RBFOX3: variants seen among roughly 807,000 people sequenced by gnomAD.
The protein encoded by RBFOX3 is RNA binding fox-1 homolog 3, also known as RNA binding protein fox-1 homolog 3.
A neutral mutation model predicts 48.7 loss-of-function variants in RBFOX3; 17 were observed. That is an observed-to-expected ratio of 0.35 (90% CI 0.24 to 0.52). The LOEUF is 0.52. Ranked by LOEUF, RBFOX3 falls within the 20% of genes least tolerant of loss-of-function variation. The pLI, the probability that RBFOX3 is intolerant of heterozygous loss-of-function variation, is 0.94. For synonymous variants in RBFOX3, 212 were observed against 209.5 expected (o/e 1.01, Z -0.10); for missense variants, 382 against 497.5 (o/e 0.77, Z 2.21).
intron 1 of RBFOX3, among the ~76,000 whole-genome samples, chr17:79,510,582 A>C (rs1233357934): frequency 6.6e-6 from 1 of 152,170 alleles, no homozygotes; most frequent in Non-Finnish European, 1.5e-5. Context: ...TAATTACAGC[A>C]AGTGATTAAC....
At chr17:79,641,052 T>C in the RBFOX3 span, among the ~76,000 whole-genome samples, 3 of 152,310 alleles carry the variant, frequency 2.0e-5, no homozygotes, top group Admixed American at 2.0e-4. Context: ...GCAAATCATA[T>C]ATCTAACAAG....
At chr17:79,266,444 G>A (rs115284638) in intron 3 of RBFOX3, among the ~76,000 whole-genome samples, 1,585 of 152,310 alleles carry the variant, frequency 0.01, 27 homozygotes, top group African/African-American at 0.036. Context: ...TTCTTAGGGG[G>A]TATTATTCAG....
chr17:79,501,978 G>A (rs1414591165), intron 1 of RBFOX3, among the ~76,000 whole-genome samples: 2 of 152,190 alleles, frequency 1.3e-5, no homozygotes, highest in Non-Finnish European at 2.9e-5. Context: ...CTGGGGACAC[G>A]CTGGCAGCAC....
chr17:79,334,854 C>T (rs555120079), intron 2 of RBFOX3, among the ~76,000 whole-genome samples: 9 of 152,360 alleles, frequency 5.9e-5, no homozygotes, highest in African/African-American at 1.7e-4. Flanking sequence ...GTGCCTGGCA[C>T]GTAGCAAGTG....
intron 2 of RBFOX3, among the ~76,000 whole-genome samples, chr17:79,366,576 C>T (rs760584002): frequency 1.1e-3 from 162 of 152,314 alleles, no homozygotes; most frequent in Non-Finnish European, 1.6e-3. Flanking sequence ...TGTCTGCCGG[C>T]GAGAGAGCCA....
intron 13 of RBFOX3, 24 bp downstream of exon 13, chr17:79,095,489 A>T: frequency 6.5e-7 from 1 of 1,547,290 alleles, no homozygotes; most frequent in Non-Finnish European, 8.7e-7. Flanking sequence ...CCTGCTCCAG[A>T]ACAGTGCTGG....
At chr17:79,148,654 C>T (rs1225660530) in intron 4 of RBFOX3, among the ~76,000 whole-genome samples, 2 of 152,224 alleles carry the variant, frequency 1.3e-5, no homozygotes, top group Non-Finnish European at 2.9e-5. Flanking sequence ...AAACTAAGAC[C>T]AAGATCTAAT....
intron 2 of RBFOX3, among the ~76,000 whole-genome samples, chr17:79,457,071 T>G (rs1555745403): frequency 6.6e-6 from 1 of 152,182 alleles, no homozygotes; most frequent in Admixed American, 6.5e-5. Flanking sequence ...GTGGCACAGG[T>G]GTAGACAGGC....
intron 2 of RBFOX3, among the ~76,000 whole-genome samples, chr17:79,308,639 C>A (rs1273934214): frequency 6.6e-6 from 1 of 152,062 alleles, no homozygotes; most frequent in Non-Finnish European, 1.5e-5. Flanking sequence ...GAAGGTGGGG[C>A]CTTTGGTGGG....
chr17:79,424,489 C>A (rs1421727374), intron 2 of RBFOX3, among the ~76,000 whole-genome samples: 4 of 152,316 alleles, frequency 2.6e-5, no homozygotes, highest in African/African-American at 9.6e-5. Flanking sequence ...ATGGGCCCTG[C>A]CACCTGCCAG....
chr17:79,555,491 CAGTGGTGGTGGT>C (rs1324434195), intron 1 of RBFOX3, among the ~76,000 whole-genome samples: 1 of 88,254 alleles, frequency 1.1e-5, no homozygotes, highest in Non-Finnish European at 2.2e-5. Flanking sequence ...GTGGTGATGA[CAGTGGTGGTGGT>C]GGTGGTGATG....
intron 1 of RBFOX3, among the ~76,000 whole-genome samples, chr17:79,541,428 G>A (rs1198223660): frequency 6.6e-6 from 1 of 152,206 alleles, no homozygotes; most frequent in African/African-American, 2.4e-5. Context: ...AAAAATAAGA[G>A]AAGCTTACAA....
rs1429686963 is a variant in RBFOX3, at chr17:79,243,321, A to G, written c.-73-7516T>C. Reference sequence around the variant, plus strand: ...GGGGGCAAACCAACGTGGCCCCAGGAGAAAACCCACTGTACTCCTTTTGCT... The same window carrying G: ...GGGGGCAAACCAACGTGGCCCCAGGGGAAAACCCACTGTACTCCTTTTGCT... On this transcript the variant is annotated intron_variant, in intron 3 of 14. Coordinates refer to ENST00000693108, the MANE Select transcript of RBFOX3 (RefSeq NM_001350451.2). The surrounding 1 kb of genome is among the most constrained non-coding windows in gnomAD (Gnocchi z 7.9). Among the ~76,000 whole-genome samples, 8 of 152,152 alleles carry G rather than the reference A, an allele frequency of 5.3e-5. No individual in the cohort carries two copies. The highest frequency in any genetic ancestry group is 1.9e-4 in the African/African-American group (8 of 41,438).
intron 4 of RBFOX3, among the ~76,000 whole-genome samples, chr17:79,159,388 A>T (rs1419869911): frequency 6.6e-6 from 1 of 152,102 alleles, no homozygotes; most frequent in Non-Finnish European, 1.5e-5. Context: ...GCTCTCCAAG[A>T]GCTCTGAGAC....
intron 2 of RBFOX3, among the ~76,000 whole-genome samples, chr17:79,382,199 C>T (rs893845029): frequency 2.0e-5 from 3 of 152,152 alleles, no homozygotes; most frequent in African/African-American, 7.2e-5. Context: ...CAACGGGAGA[C>T]GATGGTCACA....
In RBFOX3 at chr17:79,276,047, G is replaced by C. The variant is rs145950813; in HGVS notation, c.-74+31677C>G. 6.2e-3 allele frequency among the ~76,000 whole-genome samples: 946 copies of C among 152,334 alleles called. 7 individuals are homozygous for C. Among genetic ancestry groups the C allele is most frequent in the Non-Finnish European group, 0.011 (747 of 68,030 alleles). On this transcript the variant is annotated intron_variant, in intron 3 of 14. Coordinates refer to ENST00000693108, the MANE Select transcript of RBFOX3 (RefSeq NM_001350451.2). ...ATGGAATTGTGCTCGGCCATAACAA[G>C]GAGGGCATTTCTGACACATGCTGCA...
At chr17:79,368,950 T>A (rs2058147215) in intron 2 of RBFOX3, among the ~76,000 whole-genome samples, 1 of 152,196 alleles carries the variant, frequency 6.6e-6, no homozygotes, top group African/African-American at 2.4e-5. Flanking sequence ...GATGCAGCCA[T>A]GGGCTTCACG....
At chr17:79,355,351 G>A (rs1385815595) in intron 2 of RBFOX3, among the ~76,000 whole-genome samples, 1 of 152,134 alleles carries the variant, frequency 6.6e-6, no homozygotes, top group Non-Finnish European at 1.5e-5. Context: ...CAGCCACTGG[G>A]GCACAACTCC....
intron 2 of RBFOX3, among the ~76,000 whole-genome samples, chr17:79,379,521 T>A (rs2059625829): frequency 6.6e-6 from 1 of 152,236 alleles, no homozygotes; most frequent in Non-Finnish European, 1.5e-5. Context: ...CACGGATGGC[T>A]GTTTTGGTCA....
Sources: allele counts gnomAD v4.1 joint callset (sites outside exome capture counted in the v4.1 genomes callset), GRCh38; gene constraint gnomAD v4.1.1; non-coding constraint Gnocchi (gnomAD v3.1); transcripts MANE v1.5; gene names NCBI Gene and HGNC (gene_info 2026-07-23, HGNC 2026-07-21).